The following SAMD9 variants were observed in gnomAD, a reference collection of about 807,000 sequenced individuals.
The protein encoded by SAMD9 is sterile alpha motif domain containing 9.
Under a neutral mutation model 1.5 loss-of-function variants are expected in SAMD9, and 3 were observed. The ratio of observed to expected loss-of-function variants is 2.05; its 90% CI spans 0.93 to 5.29. The LOEUF (loss-of-function observed/expected upper bound fraction) is 5.29. Ranked by LOEUF, SAMD9 falls within the 30% of genes most tolerant of loss-of-function variation. The pLI is 0.02. For missense variants in SAMD9, 1,597 were observed against 1,820.8 expected (o/e 0.88, Z 2.24); for synonymous variants, 635 against 631.9 (o/e 1.00, Z -0.07).
At chr7:93,117,560 C>T (rs1164662255) in intron 1 of SAMD9, among the ~76,000 whole-genome samples, 1 of 152,120 alleles carries the variant, frequency 6.6e-6, no homozygotes, top group African/African-American at 2.4e-5. Context: ...GCTCAAATTA[C>T]AGGCTACCAC....
At position 93,102,783 on chromosome 7, in the gene SAMD9, C is replaced by T. The variant is rs2116415235; in HGVS notation, c.3315G>A (p.Trp1105Ter). Residue 1105 changes from tryptophan to a stop codon, truncating the protein, a stop_gained, in exon 3 of 3, where the codon TGG becomes TGA. Coordinates refer to ENST00000379958, the MANE Select transcript of SAMD9 (RefSeq NM_017654.4). LOFTEE classifies it low-confidence loss of function (END_TRUNC). ...KKKDFGNALN[W>*]AKQAKIIEPD... ...GTTCTATGATTTTTGCTTGTTTTGCCCAGTTTAGAGCATTGCCAAAGTCCT... is the reference window on the plus strand; with the variant it reads ...GTTCTATGATTTTTGCTTGTTTTGCTCAGTTTAGAGCATTGCCAAAGTCCT... The T allele has an allele frequency of 1.2e-6, 2 of 1,613,730 alleles. No individual in the cohort carries two copies. The highest frequency in any genetic ancestry group is 1.3e-5 in the African/African-American group (1 of 74,968).
intron 2 of SAMD9, among the ~76,000 whole-genome samples, chr7:93,109,858 A>C (rs1239921266): frequency 6.6e-6 from 1 of 152,260 alleles, no homozygotes; most frequent in Non-Finnish European, 1.5e-5. Flanking sequence ...GACGGGGAGA[A>C]TGGAACCAAG....
intron 2 of SAMD9, among the ~76,000 whole-genome samples, chr7:93,112,130 G>A (rs949541764): frequency 1.2e-4 from 18 of 152,174 alleles, no homozygotes; most frequent in African/African-American, 4.1e-4. Flanking sequence ...CTTCATCACT[G>A]GGATGCAAGG....
intron 2 of SAMD9, among the ~76,000 whole-genome samples, chr7:93,114,211 A>G (rs1424108568): frequency 5.3e-5 from 8 of 151,692 alleles, no homozygotes; most frequent in African/African-American, 1.7e-4. Context: ...CAGAAAGTCA[A>G]ACACCACATG....
Position 93,116,273 on chromosome 7 carries a change from A to G in SAMD9, c.-109-1378T>C, listed in dbSNP as rs528536815. Among the ~76,000 whole-genome samples, 8 of 152,328 alleles carry G rather than the reference A, an allele frequency of 5.3e-5. No individual in the cohort carries two copies. The South Asian group carries it at 1.4e-3, about 28-fold the overall frequency. On this transcript the variant is annotated intron_variant, in intron 1 of 2. Coordinates refer to ENST00000379958, the MANE Select transcript of SAMD9 (RefSeq NM_017654.4). Reference sequence around the variant, plus strand: ...ATTAGATGGATTATTTGATTCATGCAAGAACTACATACCATTATATGTGAA... The same window carrying G: ...ATTAGATGGATTATTTGATTCATGCGAGAACTACATACCATTATATGTGAA...
At chr7:93,116,068 G>A (rs963050879) in intron 1 of SAMD9, among the ~76,000 whole-genome samples, 5 of 152,094 alleles carry the variant, frequency 3.3e-5, no homozygotes, top group Non-Finnish European at 5.9e-5. Context: ...TGCTGCTAGC[G>A]TGCGCTGGCT....
intron 1 of SAMD9, among the ~76,000 whole-genome samples, chr7:93,115,633 T>G (rs1791821228): frequency 6.6e-6 from 1 of 152,164 alleles, no homozygotes; most frequent in South Asian, 2.1e-4. Flanking sequence ...AGGCTTACCC[T>G]TAAGTTTGTT....
At chr7:93,106,173 T>C in intron 2 of SAMD9, 68 bp from the exon 3 acceptor site, 4 of 1,034,004 alleles carry the variant, frequency 3.9e-6, no homozygotes, top group Non-Finnish European at 5.4e-6. Flanking sequence ...TTTTAGTAGA[T>C]AATATATACA....
Position 93,105,990 on chromosome 7 carries a change from C to A in SAMD9, c.108G>T (p.Leu36Phe). The change falls in exon 3 of 3, where the codon TTG (leucine) becomes TTT (phenylalanine). Residue 36 changes from leucine to phenylalanine, a missense_variant. Coordinates refer to ENST00000379958, the MANE Select transcript of SAMD9 (RefSeq NM_017654.4). ...HKIDQKHREI[L>F]TEQDVNGAVL... Reference sequence around the variant, plus strand: ...CTGCTCCATTCACGTCTTGTTCAGTCAAAATTTCCCTGTGTTTTTGGTCAA... The same window carrying A: ...CTGCTCCATTCACGTCTTGTTCAGTAAAAATTTCCCTGTGTTTTTGGTCAA... 1 of 1,593,292 alleles carries A rather than the reference C, an allele frequency of 6.3e-7. No individual in the cohort carries two copies.
intron 2 of SAMD9, among the ~76,000 whole-genome samples, chr7:93,107,184 G>A (rs746552903): frequency 1.1e-4 from 16 of 152,028 alleles, no homozygotes; most frequent in Non-Finnish European, 1.8e-4. Context: ...GGGATTACAG[G>A]CGTGAGTCAC....
At chr7:93,106,199 A>G (rs769695064) in intron 2 of SAMD9, 94 bp from the exon 3 acceptor site, 15 of 762,652 alleles carry the variant, frequency 2.0e-5, no homozygotes, top group Non-Finnish European at 2.7e-5. Flanking sequence ...TTCAAAATTT[A>G]AAAAGCTCAA....
At position 93,100,484 on chromosome 7, in the gene SAMD9, A is replaced by G. The variant is rs1791508932; in HGVS notation, c.*844T>C. On this transcript the variant is annotated 3_prime_UTR_variant, in exon 3 of 3. Transcript: ENST00000379958. ...CCATTGATGACTGCCCATATCCATA[A>G]TTTTATTAGGGGAAAATTACATTTT... The G allele has an allele frequency of 6.6e-6, 1 of 152,092 alleles. No individual in the cohort carries two copies. The highest frequency in any genetic ancestry group is 1.9e-4 in the East Asian group (1 of 5,198). 9.4% of individuals were successfully genotyped at this position (152,092 alleles called of 1,614,324 possible). A position where few individuals can be genotyped will look rare whatever the true frequency, so the allele number is the denominator to read the frequency against.
rs1791536550 is a variant in SAMD9 at position 93,101,889 on chromosome 7, T to A, written c.4209A>T (p.Arg1403Ser). The A allele has an allele frequency of 3.1e-6, 5 of 1,613,868 alleles. No individual in the cohort carries two copies. Among genetic ancestry groups the A allele is most frequent in the Middle Eastern group, 1.7e-4 (1 of 6,060 alleles). ...IILSCIQPTS[R>S]LVKPVEKLKD... ...TTAGTTTTTCAACTGGCTTTACTAA[T>A]CTGGAGGTAGGTTGGATACAGGAGA... Residue 1403 changes from arginine (R) to serine (S), a missense_variant, in exon 3 of 3, where the codon AGA (arginine) becomes AGT (serine). Arg to Ser is a moderately radical substitution (Grantham distance 110). Coordinates refer to ENST00000379958, the MANE Select transcript of SAMD9 (RefSeq NM_017654.4).
rs751420980 is a variant in SAMD9 at position 93,105,628 on chromosome 7, A to G, written c.470T>C (p.Ile157Thr). 1.2e-5 allele frequency: 20 copies of G among 1,614,030 alleles called. No homozygotes were observed. The highest frequency in any genetic ancestry group is 1.4e-5 in the Non-Finnish European group (16 of 1,180,016). Reference protein sequence around the residue: ...IDYTKERQPSIDLTCVSYPFD... With the variant: ...IDYTKERQPSTDLTCVSYPFD... Reference sequence around the variant, plus strand: ...TGGATATGATACACATGTCAGGTCTATGGATGGTTGCCTTTCCTTTGTATA... The same window carrying G: ...TGGATATGATACACATGTCAGGTCTGTGGATGGTTGCCTTTCCTTTGTATA... The change falls in exon 3 of 3, where the codon ATA (isoleucine) becomes ACA (threonine). Residue 157 changes from isoleucine to threonine, a missense_variant. This residue lies in a region of SAMD9 where 498 missense variants were observed against 457.4 expected (regional missense o/e 1.09). Transcript: ENST00000379958.
At chr7:93,106,884 T>G (rs981163126) in intron 2 of SAMD9, among the ~76,000 whole-genome samples, 1 of 152,186 alleles carries the variant, frequency 6.6e-6, no homozygotes, top group African/African-American at 2.4e-5. Flanking sequence ...TCAACTCTGT[T>G]TCTCAAAATT....
chr7:93,105,468 A>G lies in SAMD9; in HGVS notation c.630T>C (p.Asp210=). Residue 210 remains aspartate (D), a synonymous_variant, in exon 3 of 3, where the codon GAT becomes GAC. Transcript: ENST00000379958. ...FTNTATATEE[D]VKMKFSNEVF... Reference sequence around the variant, plus strand: ...CCTCATTGCTAAATTTCATCTTGACATCCTCTTCTGTGGCTGTTGCTGTAT... The same window carrying G: ...CCTCATTGCTAAATTTCATCTTGACGTCCTCTTCTGTGGCTGTTGCTGTAT... 1 of 1,614,056 alleles carries G rather than the reference A, an allele frequency of 6.2e-7. No individual in the cohort carries two copies. The highest frequency in any genetic ancestry group is 8.5e-7 in the Non-Finnish European group (1 of 1,179,972).
chr7:93,106,219 C>T, intron 2 of SAMD9, 114 bp from the exon 3 acceptor site: 1 of 593,656 alleles, frequency 1.7e-6, no homozygotes, highest in Non-Finnish European at 2.7e-6. Flanking sequence ...AAAGGATATG[C>T]CAATGAATTA....
intron 2 of SAMD9, among the ~76,000 whole-genome samples, chr7:93,111,824 C>G (rs1247904057): frequency 6.6e-6 from 1 of 152,088 alleles, no homozygotes; most frequent in Non-Finnish European, 1.5e-5. Context: ...TAATAGCCTA[C>G]CAACCAAAAA....
intron 1 of SAMD9, among the ~76,000 whole-genome samples, chr7:93,115,458 T>C (rs1791818047): frequency 6.6e-6 from 1 of 152,196 alleles, no homozygotes; most frequent in Admixed American, 6.5e-5. Context: ...AGAAAACATA[T>C]TGTAGAATTC....
Sources: allele counts gnomAD v4.1 joint callset (sites outside exome capture counted in the v4.1 genomes callset), GRCh38; gene constraint gnomAD v4.1.1; regional missense constraint gnomAD v4.1.1; transcripts MANE v1.5; gene names NCBI Gene and HGNC (gene_info 2026-07-23, HGNC 2026-07-21).